GINS4: variants seen among roughly 807,000 people sequenced by gnomAD.
The protein encoded by GINS4 is DNA replication complex GINS protein SLD5.
A neutral mutation model predicts 31.1 loss-of-function variants in GINS4; 20 were observed. The observed-to-expected ratio is 0.64, with a 90% CI of 0.45 to 0.93. The LOEUF (loss-of-function observed/expected upper bound fraction) is 0.93, where lower values mean the gene tolerates loss of function less well. Ranked by LOEUF, GINS4 falls within the 40% of genes least tolerant of loss-of-function variation. GINS4 has a pLI of 0.00. For missense variants in GINS4, 245 were observed against 273.9 expected, an observed-to-expected ratio of 0.89 and a Z score of 0.75; for synonymous variants, 85 against 97.9, an observed-to-expected ratio of 0.87 and a Z score of 0.78.
chr8:41,541,251 T>A (rs370171951), intron 6 of GINS4, among the ~76,000 whole-genome samples: 2 of 152,142 alleles, frequency 1.3e-5, no homozygotes, highest in Admixed American at 6.6e-5. Flanking sequence ...TTTAAAATTT[T>A]TTTGTGGAGA....
At chr8:41,537,649 T>C (rs79941151) in intron 4 of GINS4, 3,603 of 172,110 alleles carry the variant, frequency 0.021, 63 homozygotes, top group Middle Eastern at 0.063. Flanking sequence ...ATTTTGTCTG[T>C]CAGATGGCCA....
Position 41,542,411 on chromosome 8 carries a change from C to A in GINS4, c.*324C>A, listed in dbSNP as rs1010419382. 1.9e-4 allele frequency: 66 copies of A among 344,994 alleles called. No individual in the cohort carries two copies. The highest frequency in any genetic ancestry group is 2.9e-4 in the Non-Finnish European group (54 of 184,742). 21.4% of individuals were successfully genotyped at this position (344,994 alleles called of 1,614,324 possible). The stretch of plus-strand genomic sequence containing the variant: ...AAAAAAACAAAAAACAAAAAAAAAA[C>A]AAACTAGGCATAAACTCATGAGGTC... On this transcript the variant is annotated 3_prime_UTR_variant, in exon 8 of 8. Transcript: ENST00000276533.
intron 6 of GINS4, chr8:41,540,306 C>G (rs893466465): frequency 9.3e-6 from 4 of 430,950 alleles, no homozygotes; most frequent in African/African-American, 4.0e-5. Flanking sequence ...CTGTGAGGTG[C>G]TGGCAGCCCC....
At chr8:41,530,326 C>G in intron 2 of GINS4, 28 bp downstream of exon 2, 1 of 1,504,580 alleles carries the variant, frequency 6.6e-7, no homozygotes, top group Non-Finnish European at 9.2e-7. Context: ...AATCCCTTTG[C>G]TCCAGTCAGC....
Position 41,543,169 on chromosome 8 carries a change from T to C in GINS4, c.*1082T>C, listed in dbSNP as rs557818624. ...CATTTTAGAACCTCTAATATTGGAC[T>C]TAAAACCAATTTCTGTCGTGCTTAA... On this transcript the variant is annotated 3_prime_UTR_variant, in exon 8 of 8. Coordinates refer to ENST00000276533, the MANE Select transcript of GINS4 (RefSeq NM_032336.3). 2 of 152,366 alleles carry C rather than the reference T, an allele frequency of 1.3e-5. No individual in the cohort carries two copies. The highest frequency in any genetic ancestry group is 4.1e-4 in the South Asian group (2 of 4,830). 9.4% of individuals were successfully genotyped at this position (152,366 alleles called of 1,614,324 possible).
chr8:41,539,877 G>A (rs755900572), intron 5 of GINS4, 39 bp from the exon 6 acceptor site: 1 of 1,599,274 alleles, frequency 6.3e-7, no homozygotes, highest in Non-Finnish European at 8.6e-7. Flanking sequence ...ACGTCCATCA[G>A]CTGTGTACAC....
At chr8:41,529,923 T>G in intron 1 of GINS4, 2 of 323,944 alleles carry the variant, frequency 6.2e-6, no homozygotes, top group Non-Finnish European at 1.1e-5. Context: ...TGAATAGTGA[T>G]TGTATGGTGT....
Position 41,537,229 on chromosome 8 carries a change from A to G in GINS4, c.233A>G (p.His78Arg), listed in dbSNP as rs1563254564. ...AGGGAGGACCTGAAGGTCAGCATCC[A>G]CCAAATGGAGATGGAGAGGATCCGC... The part of the protein sequence containing the change: ...AKREDLKVSI[H>R]QMEMERIRYV... The change falls in exon 4 of 8, where the codon CAC becomes CGC. Residue 78 changes from histidine to arginine, a missense_variant. By Grantham distance (29) the His-to-Arg change is conservative. Coordinates refer to ENST00000276533, the MANE Select transcript of GINS4 (RefSeq NM_032336.3). The G allele has an allele frequency of 1.9e-6, 3 of 1,614,126 alleles. No homozygotes were observed. Among genetic ancestry groups the G allele is most frequent in the Non-Finnish European group, 2.5e-6 (3 of 1,179,958 alleles).
In GINS4 at chr8:41,542,248, G is replaced by T; in HGVS notation, c.*161G>T. On this transcript the variant is annotated 3_prime_UTR_variant, in exon 8 of 8. Coordinates refer to ENST00000276533, the MANE Select transcript of GINS4 (RefSeq NM_032336.3). ...ATACAAAATAATTAGCCGGGTGTTG[G>T]TGGTGTGCACCTGTAATCCCAGCTA... 1.6e-6 allele frequency: 1 copy of T among 632,008 alleles called. No individual in the cohort carries two copies. The highest frequency in any genetic ancestry group is 1.8e-5 in the South Asian group (1 of 57,064). 39.2% of individuals were successfully genotyped at this position (632,008 alleles called of 1,614,324 possible).
At chr8:41,539,319 CAAAA>C (rs36097557) in intron 4 of GINS4, among the ~76,000 whole-genome samples, 6 of 55,760 alleles carry the variant, frequency 1.1e-4, no homozygotes, top group African/African-American at 3.5e-4. Flanking sequence ...GACTCCATCT[CAAAA>C]AAAAAAAAAA....
chr8:41,541,555 G>A (rs1346927092), intron 6 of GINS4, among the ~76,000 whole-genome samples: 2 of 152,172 alleles, frequency 1.3e-5, no homozygotes, highest in African/African-American at 4.8e-5. Context: ...AACACCAGGA[G>A]CAAGTCAGAC....
chr8:41,542,369 G>C lies in GINS4; in HGVS notation c.*282G>C. ...ATTGCACTCCAGCCTGGGTGACAGT[G>C]AGACTTTGTCTCAAAAAAAAAAACA... On this transcript the variant is annotated 3_prime_UTR_variant, in exon 8 of 8. Transcript: ENST00000276533. The C allele has an allele frequency of 2.9e-6, 1 of 348,668 alleles. No individual in the cohort carries two copies. Among genetic ancestry groups the C allele is most frequent in the Non-Finnish European group, 5.3e-6 (1 of 188,838 alleles). 21.6% of individuals were successfully genotyped at this position (348,668 alleles called of 1,614,324 possible).
rs557894194 is a variant in GINS4 at position 41,537,521 on chromosome 8, T to G, written c.297+228T>G. On this transcript the variant is annotated intron_variant, in intron 4 of 7. Coordinates refer to ENST00000276533, the MANE Select transcript of GINS4 (RefSeq NM_032336.3). ...GGGGACACCGCACACATTTTTAGTC[T>G]GTTCACCTGCCGAGTGAGTGGTTCC... is the stretch of plus-strand genomic sequence containing the variant. 8.7e-6 allele frequency: 4 copies of G among 458,574 alleles called. No individual in the cohort carries two copies. The East Asian group carries it at 1.4e-4, about 16-fold the overall frequency. 28.4% of individuals were successfully genotyped at this position (458,574 alleles called of 1,614,324 possible). A position where few individuals can be genotyped will look rare whatever the true frequency, so the allele number is the denominator to read the frequency against.
chr8:41,532,809 G>A (rs1019964423), intron 2 of GINS4, among the ~76,000 whole-genome samples: 4 of 148,600 alleles, frequency 2.7e-5, no homozygotes, highest in African/African-American at 1.0e-4. Context: ...CTCCAGCCTG[G>A]GCAACAGAGC....
chr8:41,538,755 A>C (rs1311717910), intron 4 of GINS4, among the ~76,000 whole-genome samples: 6 of 151,764 alleles, frequency 4.0e-5, no homozygotes, highest in Non-Finnish European at 7.4e-5. Flanking sequence ...CTCAGGCTGG[A>C]GTGCAGTGGC....
At chr8:41,541,500 T>TA (rs1436237897) in intron 6 of GINS4, among the ~76,000 whole-genome samples, 25 of 152,184 alleles carry the variant, frequency 1.6e-4, no homozygotes, top group African/African-American at 6.0e-4. Flanking sequence ...TACTGGGGGT[T>TA]AGGGCTTCAG....
At position 41,539,735 on chromosome 8, in the gene GINS4, C is replaced by G. The variant is rs74703449; in HGVS notation, c.355C>G (p.Pro119Ala). 8.0e-5 allele frequency: 129 copies of G among 1,614,170 alleles called. No individual in the cohort carries two copies. The East Asian group carries it at 1.8e-3, about 23-fold the overall frequency. Residue 119 changes from proline (P) to alanine (A), a missense_variant, in exon 5 of 8, where the codon CCT (proline) becomes GCT (alanine). Transcript: ENST00000276533. ...EKEKTRPEGE[P>A]SSLSPEELAF... is the part of the protein sequence containing the mutation. ...GGAAAAAACACGTCCTGAGGGGGAG[C>G]CTTCCAGCCTCTCGCCGGAAGAGTT...
At chr8:41,537,383 G>C (rs1806761001) in intron 4 of GINS4, 90 bp downstream of exon 4, 2 of 885,156 alleles carry the variant, frequency 2.3e-6, no homozygotes, top group Non-Finnish European at 3.7e-6. Context: ...TGGGGCCCAG[G>C]AGGGTCCAGG....
chr8:41,540,288 C>T (rs935571260), intron 6 of GINS4: 1 of 468,236 alleles, frequency 2.1e-6, no homozygotes. Context: ...TAGCCATCTG[C>T]TGAGCCTCTG....
Sources: gnomAD v4.1 joint callset for allele counts (sites outside exome capture counted in the v4.1 genomes callset) on GRCh38, gnomAD v4.1.1 for gene constraint, MANE v1.5 for transcripts, NCBI Gene and HGNC (gene_info 2026-07-23, HGNC 2026-07-21) for gene names.